TENT2: variants seen among roughly 807,000 people sequenced by gnomAD.
TENT2 encodes the protein terminal nucleotidyltransferase 2, also known as poly(A) RNA polymerase GLD2.
TENT2 carries 44 observed loss-of-function variants against 72.2 expected under a neutral mutation model. The ratio of observed to expected loss-of-function variants is 0.61; its 90% CI spans 0.48 to 0.78. The LOEUF (loss-of-function observed/expected upper bound fraction) is 0.78, where lower values mean the gene tolerates loss of function less well. TENT2 is among the 30% of genes least tolerant of loss of function. The pLI, the probability that TENT2 is intolerant of heterozygous loss-of-function variation, is 0.00. For missense variants in TENT2, 541 were observed against 569.6 expected (o/e 0.95, Z 0.51); for synonymous variants, 212 against 192.5 (o/e 1.10, Z -0.84).
Position 79,679,580 on chromosome 5 carries a change from TG to T in TENT2, c.1212del (p.Trp404Ter). 6.3e-7 allele frequency: 1 copy of T among 1,586,490 alleles called. No individual in the cohort carries two copies. Among genetic ancestry groups the T allele is most frequent in the Non-Finnish European group, 8.6e-7 (1 of 1,165,274 alleles). ...TGGTTACTGTTTTTCTTCTTATAGCTGGAATAGTCAAATGATTTCAGTTCGT... is the reference window on the plus strand; with the variant it reads ...TGGTTACTGTTTTTCTTCTTATAGCTGAATAGTCAAATGATTTCAGTTCGT... ...FLKYYATEFD[W>X]NSQMISVREA... On this transcript the variant is annotated frameshift_variant and splice_region_variant, in exon 13 of 15. Coordinates refer to ENST00000453514, the MANE Select transcript of TENT2 (RefSeq NM_001114394.3). LOFTEE classifies it high-confidence loss of function.
At chr5:79,673,534 AT>A (rs1342206035) in intron 12 of TENT2, among the ~76,000 whole-genome samples, 1 of 151,598 alleles carries the variant, frequency 6.6e-6, no homozygotes, top group Non-Finnish European at 1.5e-5. Context: ...TCCCAGCACT[AT>A]TTATTGAAGA....
At chr5:79,626,389 G>C (rs1189272009) in intron 4 of TENT2, among the ~76,000 whole-genome samples, 1 of 149,894 alleles carries the variant, frequency 6.7e-6, no homozygotes, top group Non-Finnish European at 1.5e-5. Flanking sequence ...CTCACTGCAA[G>C]CTCTGCCTCC....
At chr5:79,657,922 T>G (rs1799093372) in intron 11 of TENT2, among the ~76,000 whole-genome samples, 1 of 152,210 alleles carries the variant, frequency 6.6e-6, no homozygotes, top group East Asian at 1.9e-4. Context: ...TCAAAAAACT[T>G]ATTTATTGTG....
intron 4 of TENT2, among the ~76,000 whole-genome samples, chr5:79,632,326 GA>G (rs1167437777): frequency 1.3e-5 from 2 of 152,052 alleles, no homozygotes; most frequent in Non-Finnish European, 1.5e-5. Context: ...ATTTTTTCAT[GA>G]GTTTTTTTTG....
chr5:79,630,891 T>C (rs1047912626), intron 4 of TENT2, among the ~76,000 whole-genome samples: 1 of 151,302 alleles, frequency 6.6e-6, no homozygotes, highest in Non-Finnish European at 1.5e-5. Flanking sequence ...GAGAGTAGAT[T>C]GAAGTTGAGC....
chr5:79,619,857 A>G (rs1763342123), intron 2 of TENT2, 72 bp downstream of exon 2: 1 of 1,535,162 alleles, frequency 6.5e-7, no homozygotes, highest in African/African-American at 1.4e-5. Context: ...CCCTTTTTGT[A>G]TGAAACTTTT....
chr5:79,685,313 G>T lies in TENT2; in HGVS notation c.*40G>T. On this transcript the variant is annotated 3_prime_UTR_variant, in exon 15 of 15. Transcript: ENST00000453514. Reference sequence around the variant, plus strand: ...TTAATAAATTCTTCCAAGAAATAAAGAACAATAGTTTCATCATAATACATT... The same window carrying T: ...TTAATAAATTCTTCCAAGAAATAAATAACAATAGTTTCATCATAATACATT... 1 of 1,417,230 alleles carries T rather than the reference G, an allele frequency of 7.1e-7. No homozygotes were observed. The highest frequency in any genetic ancestry group is 9.7e-7 in the Non-Finnish European group (1 of 1,030,084). The allele number at this position is 1,417,230 out of a possible 1,614,324, so 87.8% of individuals were successfully genotyped here. A position where few individuals can be genotyped will look rare whatever the true frequency, so the allele number is the denominator to read the frequency against.
At chr5:79,663,923 G>T (rs57959985) in intron 11 of TENT2, among the ~76,000 whole-genome samples, 1 of 151,848 alleles carries the variant, frequency 6.6e-6, no homozygotes, top group African/African-American at 2.4e-5. Flanking sequence ...TACAGTGGGC[G>T]CTCTGTATGT....
intron 12 of TENT2, among the ~76,000 whole-genome samples, chr5:79,673,519 A>G (rs1814680841): frequency 6.6e-6 from 1 of 152,102 alleles, no homozygotes; most frequent in African/African-American, 2.4e-5. Context: ...ATGGATATCT[A>G]GTATTCCCAG....
intron 4 of TENT2, among the ~76,000 whole-genome samples, chr5:79,627,994 CAGAA>C (rs1771799529): frequency 6.6e-6 from 1 of 152,160 alleles, no homozygotes; most frequent in Non-Finnish European, 1.5e-5. Flanking sequence ...TATTGAGGCT[CAGAA>C]AGCTAAATAA....
chr5:79,619,596 T>G lies in TENT2; in HGVS notation c.-37-16T>G. On this transcript the variant is annotated splice_polypyrimidine_tract_variant and intron_variant, in intron 1 of 14. Coordinates refer to ENST00000453514, the MANE Select transcript of TENT2 (RefSeq NM_001114394.3). ...AAGCTATGATAATTTAATATTGTCTTTTTAAATTATCCTAGGTAGAAGAAT... is the reference window on the plus strand; with the variant it reads ...AAGCTATGATAATTTAATATTGTCTGTTTAAATTATCCTAGGTAGAAGAAT... 6.5e-7 allele frequency: 1 copy of G among 1,535,356 alleles called. No individual in the cohort carries two copies. The highest frequency in any genetic ancestry group is 1.3e-5 in the South Asian group (1 of 79,832).
chr5:79,623,314 A>C lies in TENT2; in HGVS notation c.290A>C (p.His97Pro). The C allele has an allele frequency of 6.2e-7, 1 of 1,613,698 alleles. No homozygotes were observed. Among genetic ancestry groups the C allele is most frequent in the African/African-American group, 1.3e-5 (1 of 75,010 alleles). The change falls in exon 4 of 15, where the codon CAC (histidine) becomes CCC (proline). Residue 97 changes from histidine to proline, a missense_variant. Transcript: ENST00000453514. ...AAACGGCAACGTTTCCATTCACCCCACCAAGAGCCAACTGTAGTTAACCAG... is the reference window on the plus strand; with the variant it reads ...AAACGGCAACGTTTCCATTCACCCCCCCAAGAGCCAACTGTAGTTAACCAG... ...DGKRQRFHSP[H>P]QEPTVVNQIV...
chr5:79,643,168 T>C (rs761345689), intron 7 of TENT2, among the ~76,000 whole-genome samples: 6 of 152,180 alleles, frequency 3.9e-5, no homozygotes, highest in Admixed American at 6.5e-5. Flanking sequence ...GTTTTAGTTC[T>C]TTTTCTCAAA....
chr5:79,674,009 A>G (rs1379251616), intron 12 of TENT2, among the ~76,000 whole-genome samples: 1 of 152,360 alleles, frequency 6.6e-6, no homozygotes, highest in Non-Finnish European at 1.5e-5. Flanking sequence ...AAATGACACA[A>G]TAAACAGAGA....
In TENT2 at chr5:79,648,472, G is replaced by A. The variant is rs114691124; in HGVS notation, c.822-145G>A. 1.1e-3 allele frequency: 644 copies of A among 586,032 alleles called. 4 individuals carry two copies. The highest frequency in any genetic ancestry group is 0.011 in the African/African-American group (568 of 52,244). 36.3% of individuals were successfully genotyped at this position (586,032 alleles called of 1,614,324 possible). A position where few individuals can be genotyped will look rare whatever the true frequency, so the allele number is the denominator to read the frequency against. On this transcript the variant is annotated intron_variant, in intron 8 of 14. Coordinates refer to ENST00000453514, the MANE Select transcript of TENT2 (RefSeq NM_001114394.3). ...TTGTTCATTCTTATTTCTTTAGTGT[G>A]TCATTTTAAAAACACAGATCTATGG...
intron 6 of TENT2, among the ~76,000 whole-genome samples, chr5:79,641,878 A>C (rs771207066): frequency 1.9e-4 from 29 of 151,890 alleles, no homozygotes; most frequent in Non-Finnish European, 3.7e-4. Flanking sequence ...GAAATGCTCC[A>C]ATGAACATTT....
At chr5:79,644,255 T>C (rs1467059326) in intron 7 of TENT2, among the ~76,000 whole-genome samples, 2 of 152,212 alleles carry the variant, frequency 1.3e-5, no homozygotes, top group African/African-American at 4.8e-5. Context: ...GTGCTAGGAT[T>C]ACAGGTGTGA....
chr5:79,619,536 A>T, intron 1 of TENT2, 76 bp from the exon 2 acceptor site: 1 of 1,040,758 alleles, frequency 9.6e-7, no homozygotes, highest in Non-Finnish European at 1.3e-6. Flanking sequence ...GTTTTAAGTT[A>T]GTGGATAATA....
intron 11 of TENT2, among the ~76,000 whole-genome samples, chr5:79,664,472 G>A (rs964234883): frequency 6.6e-6 from 1 of 151,980 alleles, no homozygotes; most frequent in Non-Finnish European, 1.5e-5. Context: ...GCACGCGCCT[G>A]TAGTCCCAGC....
Sources: gnomAD v4.1 joint callset for allele counts (sites outside exome capture counted in the v4.1 genomes callset) on GRCh38, gnomAD v4.1.1 for gene constraint, MANE v1.5 for transcripts, NCBI Gene and HGNC (gene_info 2026-07-23, HGNC 2026-07-21) for gene names.